Variants in BLTP3B observed in about 807,000 individuals in gnomAD.
BLTP3B encodes bridge-like lipid transfer protein family member 3B, also known as UHRF1 (ICBP90) binding protein 1-like.
At chr12:100,089,514 C>T in the BLTP3B span, among the ~76,000 whole-genome samples, 1 of 151,960 alleles carries the variant, frequency 6.6e-6, no homozygotes, top group Non-Finnish European at 1.5e-5. Flanking sequence ...GAGCTGAGAC[C>T]GTGCCACTGC....
At chr12:100,065,576 G>A in the BLTP3B span, among the ~76,000 whole-genome samples, 1 of 152,144 alleles carries the variant, frequency 6.6e-6, no homozygotes, top group South Asian at 2.1e-4. Flanking sequence ...GATAAGGACT[G>A]AAATATGCCC....
the BLTP3B span, among the ~76,000 whole-genome samples, chr12:100,139,707 A>C: frequency 6.6e-6 from 1 of 152,248 alleles, no homozygotes; most frequent in Non-Finnish European, 1.5e-5. Context: ...ATGTATCCAC[A>C]TTCATGCAAC....
At chr12:100,045,233 G>T in the BLTP3B span, among the ~76,000 whole-genome samples, 1 of 152,098 alleles carries the variant, frequency 6.6e-6, no homozygotes, top group Non-Finnish European at 1.5e-5. Context: ...TTTCTTCACA[G>T]AACTGGAAAA....
chr12:100,058,618 A>T, the BLTP3B span: 9 of 1,613,936 alleles, frequency 5.6e-6, no homozygotes, highest in Non-Finnish European at 7.6e-6. Flanking sequence ...ACACTTTCAG[A>T]AACAGGAGAC....
the BLTP3B span, among the ~76,000 whole-genome samples, chr12:100,061,633 G>T: frequency 2.2e-5 from 3 of 138,008 alleles, no homozygotes; most frequent in Non-Finnish European, 4.6e-5. Flanking sequence ...CTCCAGCCTG[G>T]ATGACAGAGC....
At chr12:100,076,045 C>G in the BLTP3B span, among the ~76,000 whole-genome samples, 1 of 151,792 alleles carries the variant, frequency 6.6e-6, no homozygotes, top group African/African-American at 2.4e-5. Flanking sequence ...ACACCCTGAA[C>G]CTCAGCATCA....
chr12:100,038,511 T>C, the BLTP3B span, among the ~76,000 whole-genome samples: 56 of 152,242 alleles, frequency 3.7e-4, no homozygotes, highest in Admixed American at 2.8e-3. Context: ...AATTTTTATA[T>C]TTTTAGTAGA....
chr12:100,071,424 G>T, the BLTP3B span, among the ~76,000 whole-genome samples: 1 of 150,774 alleles, frequency 6.6e-6, no homozygotes, highest in Non-Finnish European at 1.5e-5. Flanking sequence ...TTGGGCCCGG[G>T]AGGCAGAGGT....
At chr12:100,101,556 A>T in the BLTP3B span, among the ~76,000 whole-genome samples, 4 of 152,232 alleles carry the variant, frequency 2.6e-5, no homozygotes, top group Admixed American at 6.5e-5. Context: ...ATAATGCAGA[A>T]ATCCTGTTGT....
At chr12:100,128,727 T>A in the BLTP3B span, 5 of 1,287,440 alleles carry the variant, frequency 3.9e-6, no homozygotes, top group South Asian at 6.2e-5. Context: ...CAGGGAACGC[T>A]GCAGGGAATG....
the BLTP3B span, among the ~76,000 whole-genome samples, chr12:100,125,070 G>A: frequency 2.1e-5 from 3 of 145,872 alleles, no homozygotes; most frequent in East Asian, 4.1e-4. Flanking sequence ...AGTGGCTCAC[G>A]CCTGTAATCC....
chr12:100,096,601 T>C, the BLTP3B span, among the ~76,000 whole-genome samples: 1 of 151,902 alleles, frequency 6.6e-6, no homozygotes, highest in Non-Finnish European at 1.5e-5. Context: ...GAAGGACTGC[T>C]TGAAGCCAGG....
At chr12:100,128,899 C>G in the BLTP3B span, among the ~76,000 whole-genome samples, 3 of 152,000 alleles carry the variant, frequency 2.0e-5, no homozygotes, top group African/African-American at 4.8e-5. Flanking sequence ...ATGAATTAAC[C>G]ATTTAAGATT....
chr12:100,053,573 G>A, the BLTP3B span, among the ~76,000 whole-genome samples: 7 of 152,066 alleles, frequency 4.6e-5, no homozygotes, highest in Non-Finnish European at 8.8e-5. Context: ...ATACATGCAC[G>A]CATGCACATA....
At chr12:100,139,462 A>G in the BLTP3B span, among the ~76,000 whole-genome samples, 1 of 152,122 alleles carries the variant, frequency 6.6e-6, no homozygotes, top group African/African-American at 2.4e-5. Context: ...CCCCCATACA[A>G]TAACTGGGTT....
At chr12:100,078,930 A>T in the BLTP3B span, among the ~76,000 whole-genome samples, 3 of 152,140 alleles carry the variant, frequency 2.0e-5, no homozygotes, top group African/African-American at 7.2e-5. Context: ...GAGTCTCACA[A>T]GATCTGATGG....
At chr12:100,052,371 C>A in the BLTP3B span, among the ~76,000 whole-genome samples, 2 of 151,620 alleles carry the variant, frequency 1.3e-5, no homozygotes, top group Non-Finnish European at 2.9e-5. Flanking sequence ...TTAAAATTTA[C>A]ATGGAAAAGA....
the BLTP3B span, chr12:100,142,608 A>G: frequency 6.2e-7 from 1 of 1,608,596 alleles, no homozygotes; most frequent in Non-Finnish European, 8.5e-7. Context: ...AGGTGCTTCA[A>G]GATTTGTTTC....
chr12:100,069,407 G>T, the BLTP3B span, among the ~76,000 whole-genome samples: 1 of 151,618 alleles, frequency 6.6e-6, no homozygotes, highest in South Asian at 2.1e-4. Context: ...AAGAAACTGT[G>T]GTGGGTGGGG....
Sources: allele counts gnomAD v4.1 joint callset (sites outside exome capture counted in the v4.1 genomes callset), GRCh38; gene constraint gnomAD v4.1.1; transcripts MANE v1.5; gene names NCBI Gene and HGNC (gene_info 2026-07-23, HGNC 2026-07-21).